The following LRRIQ1 variants were observed in gnomAD, a reference collection of about 807,000 sequenced individuals.
LRRIQ1 encodes the protein leucine-rich repeat- and IQ domain-containing protein 1.
Under a neutral mutation model 211.9 loss-of-function variants are expected in LRRIQ1, and 210 were observed. That is an observed-to-expected ratio of 0.99 (90% CI 0.89 to 1.11). The LOEUF (loss-of-function observed/expected upper bound fraction) is 1.11, where lower values mean the gene tolerates loss of function less well. LRRIQ1 is among the 50% of genes most tolerant of loss of function. LRRIQ1 has a pLI of 0.00. For missense variants in LRRIQ1, 2,136 were observed against 1,939.5 expected (o/e 1.10, Z -1.90); for synonymous variants, 699 against 650.1 (o/e 1.08, Z -1.14).
At chr12:85,250,937 TATAA>T (rs1464234057) in intron 1 of LRRIQ1, among the ~76,000 whole-genome samples, 1 of 105,168 alleles carries the variant, frequency 9.5e-6, no homozygotes, top group African/African-American at 4.2e-5. Flanking sequence ...ATATATTATA[TATAA>T]TATATTTTAT....
rs886265757 is a variant in LRRIQ1 at position 85,056,619 on chromosome 12, T to A, written c.1826T>A (p.Val609Glu). 1.4e-5 allele frequency: 22 copies of A among 1,594,514 alleles called. No homozygotes were observed. Among genetic ancestry groups the A allele is most frequent in the Non-Finnish European group, 1.9e-5 (22 of 1,172,508 alleles). Reference sequence around the variant, plus strand: ...GATAAGGATACTTTAGTTATTTCAGTGAAACAAAGATCACTCTCACTAACA... The same window carrying A: ...GATAAGGATACTTTAGTTATTTCAGAGAAACAAAGATCACTCTCACTAACA... ...YKDKDTLVIS[V>E]KQRSLSLTSE... Residue 609 changes from valine (V) to glutamate (E), a missense_variant, in exon 8 of 27, where the codon GTG becomes GAG. Val to Glu is a moderately radical substitution (Grantham distance 121, BLOSUM62 -2). Transcript: ENST00000393217.
intron 19 of LRRIQ1, among the ~76,000 whole-genome samples, chr12:85,149,324 T>G (rs1402800156): frequency 6.6e-6 from 1 of 151,972 alleles, no homozygotes; most frequent in African/African-American, 2.4e-5. Flanking sequence ...AGTTAGTTTT[T>G]GTATAAGGTG....
intron 19 of LRRIQ1, among the ~76,000 whole-genome samples, chr12:85,141,019 G>A (rs1268081425): frequency 6.6e-6 from 1 of 151,056 alleles, no homozygotes; most frequent in African/African-American, 2.4e-5. Context: ...AATTCACTAT[G>A]TAAATTCTAT....
chr12:85,125,935 C>T (rs116700644), intron 17 of LRRIQ1, among the ~76,000 whole-genome samples: 399 of 152,148 alleles, frequency 2.6e-3, no homozygotes, highest in African/African-American at 9.0e-3. Context: ...AATGTATACC[C>T]GTTGCTGAAT....
intron 6 of LRRIQ1, chr12:85,047,695 A>G (rs566976294): frequency 1.2e-5 from 5 of 416,100 alleles, no homozygotes; most frequent in Admixed American, 8.3e-5. Flanking sequence ...TTGGGGGCCA[A>G]TGGAGTCTAT....
At chr12:85,196,970 C>A (rs1892951932) in intron 24 of LRRIQ1, among the ~76,000 whole-genome samples, 1 of 151,576 alleles carries the variant, frequency 6.6e-6, no homozygotes, top group Non-Finnish European at 1.5e-5. Context: ...TGAACTCCAA[C>A]AAATTTACAA....
At chr12:85,088,063 G>A (rs1286686572) in intron 11 of LRRIQ1, among the ~76,000 whole-genome samples, 1 of 152,114 alleles carries the variant, frequency 6.6e-6, no homozygotes, top group African/African-American at 2.4e-5. Context: ...TTCTTCTAGG[G>A]CTTTTATGGT....
chr12:85,135,196 A>G (rs1051420632), intron 18 of LRRIQ1, among the ~76,000 whole-genome samples: 7 of 151,920 alleles, frequency 4.6e-5, no homozygotes, highest in African/African-American at 1.4e-4. Context: ...CATTTGTCCT[A>G]TAGGGTTTTC....
intron 14 of LRRIQ1, among the ~76,000 whole-genome samples, chr12:85,104,475 A>G (rs1886630507): frequency 1.3e-5 from 2 of 151,962 alleles, no homozygotes; most frequent in Non-Finnish European, 2.9e-5. Context: ...AGTCCCAGTC[A>G]GTCCACTCCT....
At chr12:85,166,906 C>T (rs1239342925) in intron 24 of LRRIQ1, among the ~76,000 whole-genome samples, 5 of 152,142 alleles carry the variant, frequency 3.3e-5, no homozygotes, top group Non-Finnish European at 7.4e-5. Flanking sequence ...TTTTGAGCTC[C>T]ATGTATTTCT....
intron 24 of LRRIQ1, among the ~76,000 whole-genome samples, chr12:85,220,144 A>C (rs1220348978): frequency 6.6e-6 from 1 of 152,164 alleles, no homozygotes; most frequent in Non-Finnish European, 1.5e-5. Context: ...TTTCCATTGC[A>C]TGAAGAAGTG....
At chr12:85,146,075 C>T (rs1889876058) in intron 19 of LRRIQ1, among the ~76,000 whole-genome samples, 1 of 151,666 alleles carries the variant, frequency 6.6e-6, no homozygotes, top group African/African-American at 2.4e-5. Flanking sequence ...GTGTTTTCTC[C>T]TTAATTTTTA....
At chr12:85,117,123 C>T (rs1227730934) in intron 15 of LRRIQ1, among the ~76,000 whole-genome samples, 2 of 152,156 alleles carry the variant, frequency 1.3e-5, no homozygotes, top group African/African-American at 4.8e-5. Flanking sequence ...GTTGGAGGCA[C>T]ACTATAAGGA....
downstream of LRRIQ1, among the ~76,000 whole-genome samples, chr12:85,267,359 G>A (rs1306092931): frequency 6.6e-6 from 1 of 151,828 alleles, no homozygotes; most frequent in Non-Finnish European, 1.5e-5. Context: ...TGTCTTACAC[G>A]AGAAAATTTT....
At chr12:85,238,559 G>A (rs2137240472) in intron 26 of LRRIQ1, among the ~76,000 whole-genome samples, 1 of 151,894 alleles carries the variant, frequency 6.6e-6, no homozygotes, top group East Asian at 1.9e-4. Flanking sequence ...ACATCCAGAA[G>A]AAAGTGGAAG....
intron 11 of LRRIQ1, among the ~76,000 whole-genome samples, chr12:85,093,345 GAA>G (rs1442399167): frequency 2.6e-5 from 4 of 152,176 alleles, no homozygotes; most frequent in Admixed American, 2.6e-4. Flanking sequence ...CATCCTTAAA[GAA>G]ATGCTGGCTA....
intron 15 of LRRIQ1, among the ~76,000 whole-genome samples, chr12:85,111,783 G>T (rs1887191651): frequency 6.6e-6 from 1 of 151,856 alleles, no homozygotes; most frequent in East Asian, 1.9e-4. Flanking sequence ...TAAGAGATTA[G>T]GAAACAAGTG....
intron 26 of LRRIQ1, among the ~76,000 whole-genome samples, chr12:85,240,260 T>C (rs1895400880): frequency 6.6e-6 from 1 of 152,164 alleles, no homozygotes; most frequent in Non-Finnish European, 1.5e-5. Context: ...CACTATATAA[T>C]ACCACTCTAC....
intron 11 of LRRIQ1, 113 bp from the exon 12 acceptor site, chr12:85,098,242 T>C: frequency 3.1e-6 from 2 of 652,778 alleles, no homozygotes; most frequent in South Asian, 2.1e-5. Flanking sequence ...TCACTTGTAA[T>C]TAATGATAGT....
Sources: gnomAD v4.1 joint callset for allele counts (sites outside exome capture counted in the v4.1 genomes callset) on GRCh38, gnomAD v4.1.1 for gene constraint, MANE v1.5 for transcripts, NCBI Gene and HGNC (gene_info 2026-07-23, HGNC 2026-07-21) for gene names.